The following NCAM1 variants were observed in gnomAD, a reference collection of about 807,000 sequenced individuals.
NCAM1 encodes the protein antigen recognized by monoclonal antibody 5.1H11.
NCAM1 carries 14 observed loss-of-function variants against 109.8 expected under a neutral mutation model. The observed-to-expected ratio is 0.13, with a 90% CI of 0.08 to 0.20. NCAM1 has a LOEUF of 0.20. NCAM1 is among the 10% of genes least tolerant of loss of function. The pLI is 1.00. For missense variants in NCAM1, 774 were observed against 1,109.9 expected (o/e 0.70, Z 4.30); for synonymous variants, 418 against 442.9 (o/e 0.94, Z 0.70).
At chr11:113,116,733 G>T (rs1245083) in intron 1 of NCAM1, among the ~76,000 whole-genome samples, 126,801 of 151,454 alleles carry the variant, frequency 0.84, 53,563 homozygotes, top group African/African-American at 0.96. Flanking sequence ...TGGTTTCTGC[G>T]TGGAACCCAT....
intron 14 of NCAM1, among the ~76,000 whole-genome samples, chr11:113,242,366 TC>T (rs1183631729): frequency 6.6e-6 from 1 of 152,204 alleles, no homozygotes; most frequent in African/African-American, 2.4e-5. Flanking sequence ...AGGCCTGTAA[TC>T]CCAGCACTTT....
intron 1 of NCAM1, among the ~76,000 whole-genome samples, chr11:113,170,497 T>A (rs187303240): frequency 1.3e-5 from 2 of 152,128 alleles, no homozygotes; most frequent in Non-Finnish European, 2.9e-5. Flanking sequence ...TAAGAAGATA[T>A]GAAAAAATGC....
intron 7 of NCAM1, among the ~76,000 whole-genome samples, chr11:113,212,560 G>A (rs1418980726): frequency 6.6e-6 from 1 of 152,100 alleles, no homozygotes; most frequent in South Asian, 2.1e-4. Context: ...AGATTTTAAG[G>A]GGCCCCAAAT....
In NCAM1 at chr11:113,204,521, T is replaced by G; in HGVS notation, c.346+17T>G. The G allele has an allele frequency of 6.2e-7, 1 of 1,610,880 alleles. No homozygotes were observed. Among genetic ancestry groups the G allele is most frequent in the Non-Finnish European group, 8.5e-7 (1 of 1,177,504 alleles). On this transcript the variant is annotated intron_variant, in intron 3 of 19. Transcript: ENST00000316851. ...AGATCTTTCGTAAGAGCCTCCTTCTTCTTCTGCATTCTCTGGCCTCTCCTT... is the reference window on the plus strand; with the variant it reads ...AGATCTTTCGTAAGAGCCTCCTTCTGCTTCTGCATTCTCTGGCCTCTCCTT...
intron 15 of NCAM1, among the ~76,000 whole-genome samples, chr11:113,250,366 A>C (rs1346869704): frequency 6.6e-6 from 1 of 152,238 alleles, no homozygotes; most frequent in Non-Finnish European, 1.5e-5. Context: ...TTCAGGAAAG[A>C]GAATCAGTGG....
chr11:113,275,572 C>G lies in NCAM1; in HGVS notation c.*185C>G. 1.4e-6 allele frequency: 1 copy of G among 733,502 alleles called. No individual in the cohort carries two copies. Among genetic ancestry groups the G allele is most frequent in the South Asian group, 2.5e-5 (1 of 39,854 alleles). The allele number at this position is 733,502 out of a possible 1,614,324, so 45.4% of individuals were successfully genotyped here. On this transcript the variant is annotated 3_prime_UTR_variant, in exon 20 of 20. Transcript: ENST00000316851. ...CTAAACAGATAAAACATGGGAATCT[C>G]CTTTTTGTAGGTTTATAGAAAGGGT...
chr11:113,039,943 C>G (rs1591272709), intron 1 of NCAM1, among the ~76,000 whole-genome samples: 1 of 152,264 alleles, frequency 6.6e-6, no homozygotes, highest in East Asian at 1.9e-4. Flanking sequence ...GAGTTCGAGA[C>G]CAGCCTGGCC....
At chr11:112,987,840 A>C (rs1343099489) in intron 1 of NCAM1, among the ~76,000 whole-genome samples, 3 of 152,056 alleles carry the variant, frequency 2.0e-5, no homozygotes, top group Non-Finnish European at 4.4e-5. Context: ...TTTTTAAATT[A>C]ATTCAACCAC....
intron 1 of NCAM1, among the ~76,000 whole-genome samples, chr11:113,066,952 C>T (rs1205006788): frequency 3.5e-5 from 5 of 141,334 alleles, no homozygotes; most frequent in Admixed American, 3.2e-4. Context: ...TGCAGTGAGC[C>T]GAGATCCCGC....
At chr11:113,110,794 A>C (rs1417963287) in intron 1 of NCAM1, among the ~76,000 whole-genome samples, 3 of 152,208 alleles carry the variant, frequency 2.0e-5, no homozygotes, top group African/African-American at 7.2e-5. Flanking sequence ...CATGCCCCTG[A>C]CATCACTTCC....
intron 1 of NCAM1, among the ~76,000 whole-genome samples, chr11:113,188,471 A>G (rs1943579435): frequency 6.6e-6 from 1 of 152,210 alleles, no homozygotes; most frequent in African/African-American, 2.4e-5. Context: ...TCTTATAGGA[A>G]TAGAAGAGAA....
chr11:113,104,674 C>T (rs1307171080), intron 1 of NCAM1, among the ~76,000 whole-genome samples: 1 of 152,124 alleles, frequency 6.6e-6, no homozygotes, highest in African/African-American at 2.4e-5. Flanking sequence ...CGATGCAAAA[C>T]ATTTTTTTGT....
At chr11:113,152,579 G>A (rs1235121189) in intron 1 of NCAM1, among the ~76,000 whole-genome samples, 1 of 152,168 alleles carries the variant, frequency 6.6e-6, no homozygotes, top group Non-Finnish European at 1.5e-5. Flanking sequence ...TCCTTAGCCA[G>A]GTTGATTTTA....
intron 1 of NCAM1, among the ~76,000 whole-genome samples, chr11:112,997,931 C>T (rs940458747): frequency 6.6e-6 from 1 of 152,070 alleles, no homozygotes; most frequent in South Asian, 2.1e-4. Flanking sequence ...ACTTTTGCTT[C>T]GATCCTTTCC....
At chr11:113,107,692 G>C (rs1384168855) in intron 1 of NCAM1, among the ~76,000 whole-genome samples, 1 of 152,058 alleles carries the variant, frequency 6.6e-6, no homozygotes, top group African/African-American at 2.4e-5. Context: ...TGGAGGAAAC[G>C]GCCCCCACAA....
intron 1 of NCAM1, among the ~76,000 whole-genome samples, chr11:113,136,451 GC>G (rs1342875752): frequency 2.0e-5 from 3 of 152,246 alleles, no homozygotes; most frequent in East Asian, 1.9e-4. Context: ...CAGGAGCAAG[GC>G]CCCCCAGTGA....
intron 1 of NCAM1, among the ~76,000 whole-genome samples, chr11:113,017,862 A>G (rs1175574880): frequency 3.3e-5 from 5 of 152,170 alleles, no homozygotes; most frequent in African/African-American, 1.2e-4. Context: ...ATAGAAAGTG[A>G]TCTTGGCCTA....
intron 1 of NCAM1, among the ~76,000 whole-genome samples, chr11:113,168,964 C>T (rs996454933): frequency 1.3e-5 from 2 of 151,502 alleles, no homozygotes; most frequent in Admixed American, 6.6e-5. Flanking sequence ...ATTGCATGAA[C>T]GTGGAGGCAG....
intron 1 of NCAM1, among the ~76,000 whole-genome samples, chr11:113,078,864 T>A (rs1389754993): frequency 6.6e-6 from 1 of 152,134 alleles, no homozygotes; most frequent in Non-Finnish European, 1.5e-5. Context: ...ATTGAGATGA[T>A]CCACTTATAT....
Sources: gnomAD v4.1 joint callset for allele counts (sites outside exome capture counted in the v4.1 genomes callset) on GRCh38, gnomAD v4.1.1 for gene constraint, MANE v1.5 for transcripts, NCBI Gene and HGNC (gene_info 2026-07-23, HGNC 2026-07-21) for gene names.